PCDH15: variants seen among roughly 807,000 people sequenced by gnomAD.
PCDH15 encodes the protein protocadherin-15.
A neutral mutation model predicts 178.5 loss-of-function variants in PCDH15; 129 were observed. That is an observed-to-expected ratio of 0.72 (90% confidence interval 0.63 to 0.84). The LOEUF (loss-of-function observed/expected upper bound fraction) is 0.84. Ranked by LOEUF, PCDH15 falls within the 40% of genes least tolerant of loss-of-function variation. The pLI is 0.00. For synonymous variants in PCDH15, 800 were observed against 732.0 expected (o/e 1.09, Z -1.50); for missense variants, 2,230 against 2,099.9 (o/e 1.06, Z -1.21).
At chr10:53,866,565 A>G in intron 27 of PCDH15, 77 bp downstream of exon 27, 1 of 1,065,910 alleles carries the variant, frequency 9.4e-7, no homozygotes, top group South Asian at 1.3e-5. Flanking sequence ...TTAATCTTAG[A>G]AGTTCTATAA....
chr10:54,074,320 C>A (rs1210515770), intron 17 of PCDH15, among the ~76,000 whole-genome samples: 1 of 152,164 alleles, frequency 6.6e-6, no homozygotes, highest in African/African-American at 2.4e-5. Flanking sequence ...AACAAAAGCT[C>A]TATAACATTA....
chr10:55,412,946 G>A (rs558668855), intron 2 of PCDH15, among the ~76,000 whole-genome samples: 32 of 150,324 alleles, frequency 2.1e-4, no homozygotes, highest in African/African-American at 6.8e-4. Context: ...AACTGTGTCT[G>A]TATAATTGAA....
chr10:54,722,041 A>G (rs1277066948), intron 1 of PCDH15, among the ~76,000 whole-genome samples: 2 of 151,818 alleles, frequency 1.3e-5, no homozygotes, highest in Admixed American at 1.3e-4. Flanking sequence ...GTTTATCCAA[A>G]TGATGTAAGG....
At chr10:55,217,822 C>T (rs950348152) in intron 1 of PCDH15, among the ~76,000 whole-genome samples, 1 of 151,756 alleles carries the variant, frequency 6.6e-6, no homozygotes, top group Non-Finnish European at 1.5e-5. Context: ...ATGTCTTAAT[C>T]AAGGGGTGAA....
intron 2 of PCDH15, among the ~76,000 whole-genome samples, chr10:54,564,221 T>C (rs2088661883): frequency 6.6e-6 from 1 of 152,180 alleles, no homozygotes; most frequent in Non-Finnish European, 1.5e-5. Context: ...TGATTATACA[T>C]CAGACAAGAT....
At chr10:54,689,166 ATATTAT>A (rs2095069456) in intron 1 of PCDH15, among the ~76,000 whole-genome samples, 1 of 152,038 alleles carries the variant, frequency 6.6e-6, no homozygotes, top group South Asian at 2.1e-4. Context: ...AAATTTTCTG[ATATTAT>A]TATTAATATA....
chr10:55,539,766 C>T (rs899838738), intron 2 of PCDH15, among the ~76,000 whole-genome samples: 3 of 151,958 alleles, frequency 2.0e-5, no homozygotes, highest in East Asian at 1.9e-4. Flanking sequence ...TATTTTAATA[C>T]AGTTAATTTT....
At position 54,421,690 on chromosome 10, in the gene PCDH15, A is replaced by ATATATATATATATATATG. The variant is rs1301759947; in HGVS notation, c.158-42749_158-42748insCATATATATATATATATA. On this transcript the variant is annotated intron_variant, in intron 3 of 37. Transcript: ENST00000644397. The stretch of plus-strand genomic sequence containing the variant: ...TATATACATATATATATATATATAT[A>ATATATATATATATATATG]TATACACACACACACACACACTATA... 2.5e-3 allele frequency among the ~76,000 whole-genome samples: 275 copies of ATATATATATATATATATG among 110,856 alleles called. 7 individuals carry two copies. Among genetic ancestry groups the ATATATATATATATATATG allele is most frequent in the South Asian group, 6.4e-3 (22 of 3,416 alleles). The allele number at this position is 110,856 out of a possible 152,430, so 72.7% of individuals were successfully genotyped here.
At chr10:54,716,775 G>A (rs1159489823) in intron 1 of PCDH15, among the ~76,000 whole-genome samples, 1 of 151,172 alleles carries the variant, frequency 6.6e-6, no homozygotes, top group Admixed American at 6.6e-5. Flanking sequence ...AGTTCATATG[G>A]AACCAAAAAA....
intron 3 of PCDH15, among the ~76,000 whole-genome samples, chr10:54,482,486 A>G (rs552623686): frequency 6.6e-6 from 1 of 151,726 alleles, no homozygotes. Context: ...GTAAGTAGAG[A>G]GTGTATTTAT....
rs186532855 is a variant in PCDH15 at position 55,285,189 on chromosome 10, G to T, written c.-156+34410C>A. ...TACCATATAAACTTGTATTTATATG[G>T]TAAATACAAGTTTACCATATAAACT... On this transcript the variant is annotated intron_variant, in intron 1 of 5. Coordinates refer to the PCDH15 transcript ENST00000458638. 2.1e-4 allele frequency among the ~76,000 whole-genome samples: 31 copies of T among 148,450 alleles called. No individual in the cohort carries two copies. In the East Asian group the frequency reaches 6.3e-3, roughly 30 times the overall value.
At chr10:54,513,906 C>T (rs2081955088) in intron 3 of PCDH15, among the ~76,000 whole-genome samples, 1 of 152,208 alleles carries the variant, frequency 6.6e-6, no homozygotes, top group African/African-American at 2.4e-5. Context: ...CAAATATTCT[C>T]TATTCTGAGA....
chr10:54,171,913 C>G (rs1451938906), intron 13 of PCDH15, among the ~76,000 whole-genome samples: 1 of 150,640 alleles, frequency 6.6e-6, no homozygotes, highest in Admixed American at 6.6e-5. Flanking sequence ...AGTCTAGGTT[C>G]CCACGCCGCC....
chr10:55,449,359 CT>C (rs1287435132), intron 2 of PCDH15, among the ~76,000 whole-genome samples: 1 of 151,956 alleles, frequency 6.6e-6, no homozygotes, highest in African/African-American at 2.4e-5. Context: ...CCCCAGAAAC[CT>C]AAGCTGGACA....
At chr10:55,192,581 C>A (rs968774278) in intron 1 of PCDH15, among the ~76,000 whole-genome samples, 104 of 151,730 alleles carry the variant, frequency 6.9e-4, no homozygotes, top group African/African-American at 2.5e-3. Flanking sequence ...AGACTAATCC[C>A]AAGGAATCAC....
At chr10:55,201,870 C>T (rs1019751551) in intron 1 of PCDH15, among the ~76,000 whole-genome samples, 2 of 152,054 alleles carry the variant, frequency 1.3e-5, no homozygotes, top group Non-Finnish European at 1.5e-5. Context: ...TTACAATGTG[C>T]TTTTTTAAAA....
intron 1 of PCDH15, among the ~76,000 whole-genome samples, chr10:55,277,447 C>T (rs1373204515): frequency 6.6e-6 from 1 of 152,004 alleles, no homozygotes; most frequent in African/African-American, 2.4e-5. Flanking sequence ...ACAGTAGGCA[C>T]ACCTTAGTTC....
At chr10:54,554,671 C>A (rs375436565) in intron 2 of PCDH15, among the ~76,000 whole-genome samples, 39 of 152,216 alleles carry the variant, frequency 2.6e-4, no homozygotes, top group African/African-American at 8.7e-4. Context: ...CCTCCAACAC[C>A]TTTAGAAAAT....
intron 3 of PCDH15, among the ~76,000 whole-genome samples, chr10:54,521,070 G>C (rs1241856585): frequency 8.6e-6 from 1 of 116,582 alleles, no homozygotes; most frequent in African/African-American, 3.3e-5. Flanking sequence ...TGTGGGGTGG[G>C]GGGAGGGGGG....
Sources: allele counts gnomAD v4.1 joint callset (sites outside exome capture counted in the v4.1 genomes callset), GRCh38; gene constraint gnomAD v4.1.1; transcripts MANE v1.5; gene names NCBI Gene and HGNC (gene_info 2026-07-23, HGNC 2026-07-21).